MYO16: variants seen among roughly 807,000 people sequenced by gnomAD.
MYO16 encodes the protein myosin XVI, also known as unconventional myosin-XVI.
MYO16 carries 94 observed loss-of-function variants against 205.3 expected under a neutral mutation model. The ratio of observed to expected loss-of-function variants is 0.46; its 90% CI spans 0.39 to 0.54. The LOEUF is 0.54. Ranked by LOEUF, MYO16 falls within the 20% of genes least tolerant of loss-of-function variation. The pLI, the probability that MYO16 is intolerant of heterozygous loss-of-function variation, is 0.00. For missense variants in MYO16, 2,315 were observed against 2,387.5 expected (o/e 0.97, Z 0.63); for synonymous variants, 988 against 954.0 (o/e 1.04, Z -0.66).
At chr13:108,753,996 G>T (rs902604054) in intron 4 of MYO16, among the ~76,000 whole-genome samples, 1 of 152,230 alleles carries the variant, frequency 6.6e-6, no homozygotes, top group African/African-American at 2.4e-5. Flanking sequence ...AATAAGTGAA[G>T]AGATCAACAG....
At chr13:108,724,618 A>G (rs1448637545) in intron 3 of MYO16, among the ~76,000 whole-genome samples, 2 of 151,438 alleles carry the variant, frequency 1.3e-5, no homozygotes, top group Admixed American at 6.6e-5. Context: ...TCGTGATTCA[A>G]TTTTAACTCT....
chr13:108,829,226 C>A (rs1179062096), intron 9 of MYO16, among the ~76,000 whole-genome samples: 1 of 152,124 alleles, frequency 6.6e-6, no homozygotes, highest in Non-Finnish European at 1.5e-5. Context: ...GTAATAATAA[C>A]TGTATCTTAG....
chr13:108,535,725 G>A, the MYO16 span, among the ~76,000 whole-genome samples: 1 of 152,064 alleles, frequency 6.6e-6, no homozygotes, highest in African/African-American at 2.4e-5. Flanking sequence ...TTTCTTAGGT[G>A]TCCTCAGGTC....
intron 12 of MYO16, among the ~76,000 whole-genome samples, chr13:108,871,322 TTGTGTGTGTGTGTGTGTGTG>T (rs58117690): frequency 3.0e-5 from 4 of 131,472 alleles, no homozygotes; most frequent in Non-Finnish European, 4.9e-5. Context: ...CTATGTGACT[TTGTGTGTGTGTGTGTGTGTG>T]TGTGTGTGTG....
intron 34 of MYO16, among the ~76,000 whole-genome samples, chr13:109,190,101 A>G (rs1879849530): frequency 6.6e-6 from 1 of 151,986 alleles, no homozygotes; most frequent in South Asian, 2.1e-4. Flanking sequence ...TAGGGTTTGT[A>G]CTTTTGTTGT....
chr13:108,651,141 G>A (rs951390797), intron 1 of MYO16, among the ~76,000 whole-genome samples: 3 of 152,198 alleles, frequency 2.0e-5, no homozygotes, highest in Non-Finnish European at 4.4e-5. Context: ...TCCAGAGCCT[G>A]GATGTAGCTG....
chr13:108,648,321 T>C (rs1237392601), intron 1 of MYO16, among the ~76,000 whole-genome samples: 1 of 152,324 alleles, frequency 6.6e-6, no homozygotes, highest in East Asian at 1.9e-4. Context: ...TGATTTTCAC[T>C]GCCTCTCAAC....
At chr13:109,102,376 TA>T (rs1888995949) in intron 28 of MYO16, among the ~76,000 whole-genome samples, 1 of 152,174 alleles carries the variant, frequency 6.6e-6, no homozygotes, top group South Asian at 2.1e-4. Context: ...TAAGTAATTA[TA>T]TAGTAGTAGT....
chr13:109,093,471 G>A (rs1464950133), intron 27 of MYO16, among the ~76,000 whole-genome samples: 2 of 152,142 alleles, frequency 1.3e-5, no homozygotes, highest in Non-Finnish European at 2.9e-5. Context: ...ACTGGCTGAC[G>A]TTTGGTCAAT....
At chr13:108,799,791 G>A (rs1211623508) in intron 6 of MYO16, among the ~76,000 whole-genome samples, 1 of 152,094 alleles carries the variant, frequency 6.6e-6, no homozygotes, top group Non-Finnish European at 1.5e-5. Context: ...AGGGAAGGTG[G>A]ACATGGGTTA....
chr13:108,535,982 CTGTG>C, the MYO16 span, among the ~76,000 whole-genome samples: 3 of 151,938 alleles, frequency 2.0e-5, no homozygotes, highest in Non-Finnish European at 2.9e-5. Context: ...TTTAGCCTTT[CTGTG>C]TTTTATGTCT....
intron 32 of MYO16, among the ~76,000 whole-genome samples, chr13:109,156,599 A>G (rs951419132): frequency 2.0e-5 from 3 of 152,200 alleles, no homozygotes; most frequent in African/African-American, 7.2e-5. Context: ...TCTCTAGCGC[A>G]GGTACCTAAG....
chr13:109,155,173 G>A (rs376376449), intron 32 of MYO16, among the ~76,000 whole-genome samples: 6 of 152,186 alleles, frequency 3.9e-5, no homozygotes, highest in South Asian at 2.1e-4. Context: ...TGAAGACATC[G>A]CTCTGTTTCC....
At chr13:108,559,762 G>A in the MYO16 span, among the ~76,000 whole-genome samples, 3 of 151,986 alleles carry the variant, frequency 2.0e-5, no homozygotes, top group South Asian at 2.1e-4. Context: ...GAGCCACAGC[G>A]CCCGGCCTTG....
At chr13:108,630,471 C>T (rs1879930653) in intron 1 of MYO16, among the ~76,000 whole-genome samples, 1 of 152,130 alleles carries the variant, frequency 6.6e-6, no homozygotes, top group Non-Finnish European at 1.5e-5. Context: ...CTCTTTTGGG[C>T]TTATCAAGGG....
At chr13:109,098,726 T>C (rs1318847013) in intron 27 of MYO16, among the ~76,000 whole-genome samples, 1 of 152,178 alleles carries the variant, frequency 6.6e-6, no homozygotes, top group Non-Finnish European at 1.5e-5. Flanking sequence ...ACCTCTTTTT[T>C]GGTGCAAATT....
intron 27 of MYO16, among the ~76,000 whole-genome samples, chr13:109,062,293 T>C (rs1887617303): frequency 6.6e-6 from 1 of 152,184 alleles, no homozygotes; most frequent in Non-Finnish European, 1.5e-5. Context: ...TCATTCACAA[T>C]GCTTGTGCAT....
chr13:108,617,840 A>G (rs568486991), intron 1 of MYO16, among the ~76,000 whole-genome samples: 2 of 152,216 alleles, frequency 1.3e-5, no homozygotes, highest in East Asian at 3.9e-4. Context: ...TGTTTCCTAG[A>G]TATATCATAC....
intron 1 of MYO16, among the ~76,000 whole-genome samples, chr13:108,643,474 G>A (rs140813738): frequency 6.6e-6 from 1 of 152,180 alleles, no homozygotes; most frequent in Non-Finnish European, 1.5e-5. Context: ...TCCTGTACTG[G>A]TTCTTGTGTG....
Sources: gnomAD v4.1 joint callset for allele counts (sites outside exome capture counted in the v4.1 genomes callset) on GRCh38, gnomAD v4.1.1 for gene constraint, MANE v1.5 for transcripts, NCBI Gene and HGNC (gene_info 2026-07-23, HGNC 2026-07-21) for gene names.